The following MYO18B variants were observed in gnomAD, a reference collection of about 807,000 sequenced individuals.
MYO18B encodes the protein myosin XVIIIB.
MYO18B carries 204 observed loss-of-function variants against 273.0 expected under a neutral mutation model. The observed-to-expected ratio is 0.75, with a 90% confidence interval of 0.67 to 0.84. The LOEUF is 0.84. Ranked by LOEUF, MYO18B falls within the 40% of genes least tolerant of loss-of-function variation. The probability of loss-of-function intolerance (pLI) is 0.00; values close to 1 mark genes in which losing one functional copy is unlikely to be tolerated. For missense variants in MYO18B, 3,212 were observed against 3,287.6 expected, an observed-to-expected ratio of 0.98 and a Z score of 0.56; for synonymous variants, 1,330 against 1,305.7, an observed-to-expected ratio of 1.02 and a Z score of -0.40.
intron 21 of MYO18B, among the ~76,000 whole-genome samples, chr22:25,859,090 A>C (rs1230164657): frequency 6.6e-6 from 1 of 152,212 alleles, no homozygotes; most frequent in Non-Finnish European, 1.5e-5. Context: ...CAGAGTAAAT[A>C]ATAAATGTAA....
At chr22:25,952,261 C>A in intron 37 of MYO18B, 25 bp from the exon 38 acceptor site, 1 of 1,603,308 alleles carries the variant, frequency 6.2e-7, no homozygotes, top group African/African-American at 1.3e-5. Flanking sequence ...AACAGATGTC[C>A]AATAGACTTC....
intron 11 of MYO18B, among the ~76,000 whole-genome samples, chr22:25,793,912 A>G (rs543513907): frequency 1.3e-5 from 2 of 152,134 alleles, no homozygotes; most frequent in African/African-American, 4.8e-5. Flanking sequence ...CGATGTTTAT[A>G]TTCTCTCTCC....
chr22:25,792,513 T>TTTTTTTTTTTTTTTTTTTTTG (rs1555893161), intron 11 of MYO18B, among the ~76,000 whole-genome samples: 1 of 145,404 alleles, frequency 6.9e-6, no homozygotes, highest in Non-Finnish European at 1.5e-5. Context: ...TTTTTTTTTT[T>TTTTTTTTTTTTTTTTTTTTTG]GAGACAGAGT....
At chr22:25,974,373 A>G (rs2146752731) in intron 39 of MYO18B, among the ~76,000 whole-genome samples, 1 of 152,344 alleles carries the variant, frequency 6.6e-6, no homozygotes, top group East Asian at 1.9e-4. Flanking sequence ...ATAGGTCAAA[A>G]TTGGTTCAAT....
chr22:25,848,061 C>T (rs1034390211), intron 20 of MYO18B, among the ~76,000 whole-genome samples: 1 of 152,076 alleles, frequency 6.6e-6, no homozygotes, highest in Non-Finnish European at 1.5e-5. Context: ...TGAAAAAGCC[C>T]ATATTATTTC....
At chr22:25,792,125 C>A (rs13053185) in intron 11 of MYO18B, among the ~76,000 whole-genome samples, 1 of 152,014 alleles carries the variant, frequency 6.6e-6, no homozygotes, top group Non-Finnish European at 1.5e-5. Context: ...AAGCAACACC[C>A]TTGGATGACA....
chr22:26,049,121 C>T, the MYO18B span, among the ~76,000 whole-genome samples: 1 of 152,170 alleles, frequency 6.6e-6, no homozygotes, highest in Non-Finnish European at 1.5e-5. Context: ...GAATAGCAGA[C>T]TACCAGGACA....
intron 27 of MYO18B, among the ~76,000 whole-genome samples, chr22:25,892,898 T>G (rs2146289663): frequency 6.6e-6 from 1 of 152,308 alleles, no homozygotes; most frequent in East Asian, 1.9e-4. Flanking sequence ...CAGTTCCATC[T>G]GCGTGAAATT....
At position 25,768,639 on chromosome 22, in the gene MYO18B, G is replaced by T. The variant is rs762093319; in HGVS notation, c.723G>T (p.Val241=). The part of the protein sequence containing the change: ...LKKGEEGQSI[V]GKGLGTPKTT... ...AAGGCGAGGAGGGTCAAAGCATAGTGGGGAAGGGGCTTGGGACCCCCAAGA... is the reference window on the plus strand; with the variant it reads ...AAGGCGAGGAGGGTCAAAGCATAGTTGGGAAGGGGCTTGGGACCCCCAAGA... The change falls in exon 4 of 44, where the codon GTG becomes GTT. Residue 241 remains valine (V), a synonymous_variant. Coordinates refer to ENST00000335473, the MANE Select transcript of MYO18B (RefSeq NM_032608.7). 3 of 1,530,466 alleles carry T rather than the reference G, an allele frequency of 2.0e-6. No individual in the cohort carries two copies. The highest frequency in any genetic ancestry group is 2.6e-6 in the Non-Finnish European group (3 of 1,143,916). The allele number at this position is 1,530,466 out of a possible 1,614,324, so 94.8% of individuals were successfully genotyped here. A position where few individuals can be genotyped will look rare whatever the true frequency, so the allele number is the denominator to read the frequency against.
At chr22:25,903,391 C>T in intron 30 of MYO18B, 1 of 516,930 alleles carries the variant, frequency 1.9e-6, no homozygotes, top group Non-Finnish European at 3.4e-6. Flanking sequence ...ACTCTAGGGA[C>T]AATTTATTCC....
chr22:25,875,171 T>C (rs992950946), intron 23 of MYO18B, among the ~76,000 whole-genome samples: 1 of 152,246 alleles, frequency 6.6e-6, no homozygotes, highest in African/African-American at 2.4e-5. Flanking sequence ...TCTGTGCTCA[T>C]GTAGCTCATA....
intron 25 of MYO18B, among the ~76,000 whole-genome samples, chr22:25,886,790 G>C (rs2091513523): frequency 6.6e-6 from 1 of 152,116 alleles, no homozygotes; most frequent in African/African-American, 2.4e-5. Context: ...CAGGTGCTGG[G>C]AATCAGGCAG....
At chr22:25,968,352 C>T (rs1444739837) in intron 39 of MYO18B, among the ~76,000 whole-genome samples, 1 of 152,140 alleles carries the variant, frequency 6.6e-6, no homozygotes, top group African/African-American at 2.4e-5. Context: ...TAGATTCCCC[C>T]AAGGAAAATT....
chr22:25,755,356 G>A (rs895558726), intron 1 of MYO18B, among the ~76,000 whole-genome samples: 7 of 152,076 alleles, frequency 4.6e-5, no homozygotes, highest in African/African-American at 1.4e-4. Flanking sequence ...ACAGGCATGC[G>A]CTGGCACGCC....
chr22:25,930,485 T>C (rs1223091758), intron 34 of MYO18B, among the ~76,000 whole-genome samples: 2 of 151,638 alleles, frequency 1.3e-5, no homozygotes. Context: ...GGTCCTCTGC[T>C]GTCTCGGGGC....
chr22:25,863,549 T>G (rs1457601097), intron 21 of MYO18B, among the ~76,000 whole-genome samples: 1 of 152,236 alleles, frequency 6.6e-6, no homozygotes, highest in African/African-American at 2.4e-5. Flanking sequence ...CTCTGCCCAA[T>G]TTTTAAAAAT....
intron 11 of MYO18B, among the ~76,000 whole-genome samples, chr22:25,786,886 T>C (rs1381769062): frequency 6.6e-6 from 1 of 152,194 alleles, no homozygotes; most frequent in Non-Finnish European, 1.5e-5. Flanking sequence ...GGATGGCAAC[T>C]AAGCACATGA....
chr22:25,992,242 C>A, intron 39 of MYO18B, 121 bp from the exon 40 acceptor site: 1 of 1,243,866 alleles, frequency 8.0e-7, no homozygotes, highest in Non-Finnish European at 1.1e-6. Flanking sequence ...GGAGAACTTA[C>A]CACTTCATAG....
intron 35 of MYO18B, among the ~76,000 whole-genome samples, 171 bp from the exon 36 acceptor site, chr22:25,947,540 AC>A (rs1299429092): frequency 1.4e-5 from 2 of 140,916 alleles, no homozygotes; most frequent in African/African-American, 2.9e-5. Flanking sequence ...ACACACACAC[AC>A]ACCAAGCTGT....
Sources: allele counts gnomAD v4.1 joint callset (sites outside exome capture counted in the v4.1 genomes callset), GRCh38; gene constraint gnomAD v4.1.1; transcripts MANE v1.5; gene names NCBI Gene and HGNC (gene_info 2026-07-23, HGNC 2026-07-21).